The following FBXL20 variants were observed in gnomAD, a reference collection of about 807,000 sequenced individuals.
The protein encoded by FBXL20 is F-box/LRR-repeat protein 20.
A neutral mutation model predicts 64.0 loss-of-function variants in FBXL20; 11 were observed. The ratio of observed to expected loss-of-function variants is 0.17; its 90% CI spans 0.11 to 0.28. The LOEUF is 0.28. FBXL20 is among the 10% of genes least tolerant of loss of function. The pLI, the probability that FBXL20 is intolerant of heterozygous loss-of-function variation, is 1.00. For synonymous variants in FBXL20, 184 were observed against 189.0 expected, an observed-to-expected ratio of 0.97 and a Z score of 0.22; for missense variants, 303 against 526.2, an observed-to-expected ratio of 0.58 and a Z score of 4.15.
chr17:39,273,191 T>C (rs2046861984), intron 10 of FBXL20, among the ~76,000 whole-genome samples: 1 of 152,082 alleles, frequency 6.6e-6, no homozygotes, highest in Non-Finnish European at 1.5e-5. Flanking sequence ...AATTTTTGTA[T>C]TTTTAGCAGA....
intron 1 of FBXL20, among the ~76,000 whole-genome samples, chr17:39,392,240 G>A (rs1441106133): frequency 2.0e-5 from 3 of 152,086 alleles, no homozygotes; most frequent in South Asian, 4.1e-4. Flanking sequence ...AGGAGTTTGA[G>A]ACCAGCCTGG....
At chr17:39,329,092 A>T (rs1035331996) in intron 2 of FBXL20, among the ~76,000 whole-genome samples, 14 of 152,168 alleles carry the variant, frequency 9.2e-5, no homozygotes, top group African/African-American at 3.1e-4. Flanking sequence ...TTTTTACCAT[A>T]GGACATTCTT....
At chr17:39,285,601 T>C in intron 6 of FBXL20, 28 bp from the exon 7 acceptor site, 1 of 1,461,698 alleles carries the variant, frequency 6.8e-7, no homozygotes, top group Non-Finnish European at 9.4e-7. Flanking sequence ...GAGAAAATAA[T>C]GAATAAACAA....
chr17:39,352,630 G>A (rs2047698024), intron 1 of FBXL20, among the ~76,000 whole-genome samples: 1 of 148,282 alleles, frequency 6.7e-6, no homozygotes, highest in African/African-American at 2.5e-5. Flanking sequence ...GCAGTGAGCC[G>A]AGATCAGGCT....
Position 39,315,806 on chromosome 17 carries a change from T to TGA in FBXL20, c.105-12169_105-12168dup, listed in dbSNP as rs36158395. ...CCCAATGAAGTGAAGAGGGGATCTT[T>TGA]GAGAGAGAGTGAGAGAGAGAGACAG... On this transcript the variant is annotated intron_variant, in intron 2 of 14. Coordinates refer to ENST00000264658, the MANE Select transcript of FBXL20 (RefSeq NM_032875.3). 2.8e-5 allele frequency among the ~76,000 whole-genome samples: 3 copies of TGA among 107,610 alleles called. No individual in the cohort carries two copies. The East Asian group carries it at 8.2e-4, about 29-fold the overall frequency. 70.6% of individuals were successfully genotyped at this position (107,610 alleles called of 152,430 possible).
At chr17:39,317,690 TTTTTTTTTTTG>T (rs1439998709) in intron 2 of FBXL20, among the ~76,000 whole-genome samples, 1,659 of 55,224 alleles carry the variant, frequency 0.03, 75 homozygotes, top group African/African-American at 0.2. Context: ...TTTTTTTTTG[TTTTTTTTTTTG>T]TTTTTTTTTT....
intron 1 of FBXL20, among the ~76,000 whole-genome samples, chr17:39,354,053 A>G (rs920389354): frequency 6.6e-6 from 1 of 152,230 alleles, no homozygotes; most frequent in Non-Finnish European, 1.5e-5. Context: ...GATGGTAAAT[A>G]TTATGTTACA....
chr17:39,293,469 C>T (rs1480996212), intron 6 of FBXL20, among the ~76,000 whole-genome samples: 1 of 152,088 alleles, frequency 6.6e-6, no homozygotes, highest in African/African-American at 2.4e-5. Flanking sequence ...GTGATCTGCC[C>T]ACCTCAGCCT....
chr17:39,384,509 G>GC, intron 1 of FBXL20, among the ~76,000 whole-genome samples: 1 of 150,774 alleles, frequency 6.6e-6, no homozygotes, highest in Non-Finnish European at 1.5e-5. Flanking sequence ...TGGAGGCAGA[G>GC]CAAGAGTCCA....
chr17:39,299,133 A>G (rs767204822), intron 4 of FBXL20, 49 bp from the exon 5 acceptor site: 1 of 1,267,312 alleles, frequency 7.9e-7, no homozygotes, highest in Non-Finnish European at 1.1e-6. Context: ...TCATTACTTT[A>G]GAAAAGAACA....
intron 1 of FBXL20, among the ~76,000 whole-genome samples, chr17:39,352,082 G>A (rs181536285): frequency 6.6e-6 from 1 of 152,208 alleles, no homozygotes; most frequent in Admixed American, 6.5e-5. Context: ...TTTTCTATCA[G>A]TTTCTAAATC....
At chr17:39,360,121 C>T (rs1339873877) in intron 1 of FBXL20, among the ~76,000 whole-genome samples, 1 of 152,038 alleles carries the variant, frequency 6.6e-6, no homozygotes, top group African/African-American at 2.4e-5. Context: ...ACCCTGAAGA[C>T]ATTATGCTAA....
At chr17:39,388,110 T>C (rs1241459496) in intron 1 of FBXL20, among the ~76,000 whole-genome samples, 4 of 152,134 alleles carry the variant, frequency 2.6e-5, no homozygotes, top group Non-Finnish European at 5.9e-5. Flanking sequence ...TAATAAGTAA[T>C]ATAAATGCTT....
chr17:39,278,395 C>T (rs1243089124), intron 9 of FBXL20, among the ~76,000 whole-genome samples: 3 of 152,090 alleles, frequency 2.0e-5, no homozygotes, highest in African/African-American at 7.2e-5. Context: ...ATTCACCCGC[C>T]TTGGCCTCCC....
At chr17:39,344,231 G>C (rs559206584) in intron 1 of FBXL20, among the ~76,000 whole-genome samples, 1 of 151,846 alleles carries the variant, frequency 6.6e-6, no homozygotes, top group East Asian at 2.0e-4. Flanking sequence ...TGCGTCTGTG[G>C]TCCTAGCTAC....
At chr17:39,341,050 A>T (rs569045368) in intron 2 of FBXL20, among the ~76,000 whole-genome samples, 1 of 151,836 alleles carries the variant, frequency 6.6e-6, no homozygotes, top group South Asian at 2.1e-4. Flanking sequence ...TTTAAACAAA[A>T]TTTCAAAATT....
intron 10 of FBXL20, among the ~76,000 whole-genome samples, chr17:39,272,505 C>T (rs1567858610): frequency 6.6e-6 from 1 of 151,364 alleles, no homozygotes; most frequent in Non-Finnish European, 1.5e-5. Context: ...TTGAGACCAC[C>T]CTGGCCAACA....
chr17:39,270,757 T>G (rs2046836511), intron 11 of FBXL20, 39 bp downstream of exon 11: 2 of 1,536,054 alleles, frequency 1.3e-6, no homozygotes, highest in African/African-American at 2.8e-5. Flanking sequence ...TAATAAAACC[T>G]ATGGAAACAA....
At chr17:39,373,432 G>A (rs2047937224) in intron 1 of FBXL20, among the ~76,000 whole-genome samples, 1 of 152,060 alleles carries the variant, frequency 6.6e-6, no homozygotes, top group Non-Finnish European at 1.5e-5. Context: ...TGCGGGCTGG[G>A]GATGTCTATC....
Sources: gnomAD v4.1 joint callset for allele counts (sites outside exome capture counted in the v4.1 genomes callset) on GRCh38, gnomAD v4.1.1 for gene constraint, MANE v1.5 for transcripts, NCBI Gene and HGNC (gene_info 2026-07-23, HGNC 2026-07-21) for gene names.